Variants in STOX1 observed in about 807,000 individuals in gnomAD.
The protein encoded by STOX1 is storkhead box 1.
A neutral mutation model predicts 74.8 loss-of-function variants in STOX1; 57 were observed. The ratio of observed to expected loss-of-function variants is 0.76; its 90% CI spans 0.62 to 0.95. STOX1 has a LOEUF of 0.95. Ranked by LOEUF, STOX1 falls within the 40% of genes least tolerant of loss-of-function variation. The pLI, the probability that STOX1 is intolerant of heterozygous loss-of-function variation, is 0.00. For missense variants in STOX1, 1,010 were observed against 1,117.0 expected (o/e 0.90, Z 1.37); for synonymous variants, 375 against 401.3 (o/e 0.93, Z 0.78).
chr10:68,834,161 C>T (rs369057771), intron 1 of STOX1, among the ~76,000 whole-genome samples: 2 of 152,194 alleles, frequency 1.3e-5, no homozygotes, highest in East Asian at 1.9e-4. Context: ...CCTACCTGAT[C>T]CCCCAAATCC....
At chr10:68,841,758 G>A (rs1408190899) in intron 1 of STOX1, among the ~76,000 whole-genome samples, 1 of 152,134 alleles carries the variant, frequency 6.6e-6, no homozygotes, top group Non-Finnish European at 1.5e-5. Flanking sequence ...CAAGAGGCAG[G>A]GGAATAATCT....
intron 1 of STOX1, among the ~76,000 whole-genome samples, chr10:68,846,131 ATTATT>A (rs1322571856): frequency 7.1e-6 from 1 of 139,932 alleles, no homozygotes; most frequent in East Asian, 2.0e-4. Context: ...TATTATTATT[ATTATT>A]ATTATTATTA....
At chr10:68,865,411 A>G (rs1840380159) in intron 1 of STOX1, among the ~76,000 whole-genome samples, 1 of 152,214 alleles carries the variant, frequency 6.6e-6, no homozygotes, top group African/African-American at 2.4e-5. Flanking sequence ...GCACTTTGGG[A>G]GGCCGAGGCG....
chr10:68,862,983 T>C (rs546080594), intron 1 of STOX1, among the ~76,000 whole-genome samples: 2 of 152,152 alleles, frequency 1.3e-5, no homozygotes, highest in South Asian at 4.1e-4. Flanking sequence ...AACTGTGCCA[T>C]AGAGTGATAT....
chr10:68,882,848 A>C (rs1313078413), intron 2 of STOX1, among the ~76,000 whole-genome samples: 1 of 152,156 alleles, frequency 6.6e-6, no homozygotes, highest in Admixed American at 6.5e-5. Context: ...TATTAACTTA[A>C]AAACACATCT....
chr10:68,837,286 G>A (rs961793059), intron 1 of STOX1, among the ~76,000 whole-genome samples: 11 of 152,224 alleles, frequency 7.2e-5, no homozygotes, highest in Non-Finnish European at 1.2e-4. Context: ...AGATGTTAGC[G>A]TAGTGAGAAG....
chr10:68,864,061 A>G (rs758968066), intron 1 of STOX1, among the ~76,000 whole-genome samples: 1 of 151,916 alleles, frequency 6.6e-6, no homozygotes, highest in Non-Finnish European at 1.5e-5. Context: ...ATTAGCTGGG[A>G]CTATAGGCAC....
rs1257295416 is a variant in STOX1 at position 68,886,080 on chromosome 10, G to A, written c.2284G>A (p.Gly762Ser). 1.2e-6 allele frequency: 2 copies of A among 1,614,078 alleles called. No homozygotes were observed. Among genetic ancestry groups the A allele is most frequent in the East Asian group, 2.2e-5 (1 of 44,898 alleles). ...LPGHSQYSFT[G>S]GSQGNHLGKQ... ...TGGCCACAGTCAGTATTCCTTCACA[G>A]GTGGAAGCCAGGGAAATCATTTAGG... Residue 762 changes from glycine (G) to serine (S), a missense_variant, in exon 3 of 4, where the codon GGT (glycine) becomes AGT (serine). Coordinates refer to ENST00000298596, the MANE Select transcript of STOX1 (RefSeq NM_152709.5).
intron 1 of STOX1, among the ~76,000 whole-genome samples, chr10:68,828,820 G>C (rs556733707): frequency 6.6e-6 from 1 of 152,290 alleles, no homozygotes; most frequent in South Asian, 2.1e-4. Flanking sequence ...AAAACAAGTA[G>C]CGTCTCATCC....
At chr10:68,836,167 G>A (rs538754317) in intron 1 of STOX1, among the ~76,000 whole-genome samples, 41 of 152,304 alleles carry the variant, frequency 2.7e-4, no homozygotes, top group Non-Finnish European at 4.9e-4. Flanking sequence ...ACCACGCCCC[G>A]CCCTTGAGTT....
chr10:68,861,758 C>T (rs2133561127), intron 1 of STOX1, among the ~76,000 whole-genome samples: 1 of 152,228 alleles, frequency 6.6e-6, no homozygotes, highest in East Asian at 1.9e-4. Context: ...CTTTCTGCAG[C>T]TCCTTTAAGC....
chr10:68,891,623 G>A (rs992649073), intron 3 of STOX1, among the ~76,000 whole-genome samples: 1 of 151,850 alleles, frequency 6.6e-6, no homozygotes, highest in Admixed American at 6.6e-5. Context: ...CCAACATGGT[G>A]AAACCCCGTC....
At chr10:68,852,865 A>G (rs549455760) in intron 1 of STOX1, among the ~76,000 whole-genome samples, 86 of 151,922 alleles carry the variant, frequency 5.7e-4, no homozygotes, top group African/African-American at 2.0e-3. Flanking sequence ...TGTCATAGGG[A>G]AGCCTTACTT....
intron 1 of STOX1, among the ~76,000 whole-genome samples, chr10:68,847,983 G>A (rs1010463661): frequency 1.3e-5 from 2 of 152,106 alleles, no homozygotes; most frequent in Non-Finnish European, 2.9e-5. Flanking sequence ...TGCCCGCCTC[G>A]GCCTCTCAGA....
chr10:68,874,013 C>A (rs112272750), intron 1 of STOX1, among the ~76,000 whole-genome samples: 5 of 25,758 alleles, frequency 1.9e-4, no homozygotes, highest in African/African-American at 9.0e-4. Context: ...GCTAGGTAGC[C>A]TTTTTTTTTT....
At chr10:68,882,416 A>G (rs1490617881) in intron 2 of STOX1, among the ~76,000 whole-genome samples, 1 of 152,038 alleles carries the variant, frequency 6.6e-6, no homozygotes, top group African/African-American at 2.4e-5. Flanking sequence ...CTATTTTTTC[A>G]TTCTCACTTC....
At chr10:68,894,905 G>A (rs1353062604), downstream of STOX1, among the ~76,000 whole-genome samples, 2 of 152,002 alleles carry the variant, frequency 1.3e-5, no homozygotes, top group East Asian at 3.9e-4. Flanking sequence ...TTTATTTTTT[G>A]TAGAGACAGG....
At chr10:68,894,346 C>T (rs546495845), downstream of STOX1, among the ~76,000 whole-genome samples, 18 of 152,254 alleles carry the variant, frequency 1.2e-4, no homozygotes, top group Non-Finnish European at 2.1e-4. Flanking sequence ...GTGTGAATGA[C>T]TGAATAATTG....
intron 2 of STOX1, among the ~76,000 whole-genome samples, 171 bp from the exon 3 acceptor site, chr10:68,884,089 G>A (rs760657585): frequency 2.6e-5 from 4 of 152,194 alleles, no homozygotes; most frequent in Admixed American, 6.5e-5. Flanking sequence ...AAAACTCTGG[G>A]ATTATAGGCA....
Sources: allele counts gnomAD v4.1 joint callset (sites outside exome capture counted in the v4.1 genomes callset), GRCh38; gene constraint gnomAD v4.1.1; transcripts MANE v1.5; gene names NCBI Gene and HGNC (gene_info 2026-07-23, HGNC 2026-07-21).